Variants in SNX25 observed in about 807,000 individuals in gnomAD.
The protein encoded by SNX25 is sorting nexin 25.
SNX25 carries 62 observed loss-of-function variants against 113.7 expected under a neutral mutation model. The observed-to-expected ratio is 0.55, with a 90% confidence interval of 0.44 to 0.67. The LOEUF (loss-of-function observed/expected upper bound fraction) is 0.67. Among genes scored for constraint, SNX25 ranks in the 30% least tolerant of loss-of-function variants. The pLI, the probability that SNX25 is intolerant of heterozygous loss-of-function variation, is 0.00. For missense variants in SNX25, 1,014 were observed against 1,161.0 expected, an observed-to-expected ratio of 0.87 and a Z score of 1.84; for synonymous variants, 421 against 436.2, an observed-to-expected ratio of 0.97 and a Z score of 0.43.
intron 1 of SNX25, among the ~76,000 whole-genome samples, chr4:185,243,694 T>C (rs1185878179): frequency 6.6e-6 from 1 of 152,198 alleles, no homozygotes; most frequent in African/African-American, 2.4e-5. Context: ...AACCACCATT[T>C]TATCATTAAA....
chr4:185,217,441 A>G (rs1026929443), intron 1 of SNX25, among the ~76,000 whole-genome samples: 1 of 152,166 alleles, frequency 6.6e-6, no homozygotes, highest in African/African-American at 2.4e-5. Context: ...TTCCTTTTAA[A>G]CAATAAATTC....
intron 2 of SNX25, among the ~76,000 whole-genome samples, chr4:185,247,877 A>C (rs1745087606): frequency 6.6e-6 from 1 of 152,220 alleles, no homozygotes; most frequent in Admixed American, 6.5e-5. Context: ...GGGAATAAAT[A>C]AGTGTACTTT....
At chr4:185,217,104 G>A (rs1212052979) in intron 1 of SNX25, among the ~76,000 whole-genome samples, 13 of 152,060 alleles carry the variant, frequency 8.5e-5, no homozygotes, top group Admixed American at 5.9e-4. Flanking sequence ...GCTTTGAAAC[G>A]TTGAATGGAT....
chr4:185,241,083 G>A (rs1172560319), intron 1 of SNX25, among the ~76,000 whole-genome samples: 4 of 151,678 alleles, frequency 2.6e-5, no homozygotes, highest in African/African-American at 4.8e-5. Flanking sequence ...GGTGGCGGCC[G>A]GGCAGAGGCT....
intron 1 of SNX25, among the ~76,000 whole-genome samples, chr4:185,214,316 G>C (rs1444883761): frequency 1.3e-5 from 2 of 151,110 alleles, no homozygotes; most frequent in Non-Finnish European, 2.9e-5. Context: ...CAGTGCCTTG[G>C]GAGACCAAAA....
rs1414842289 is a variant in SNX25, at chr4:185,212,489, G to GT, written c.429+2235dup. ...TGTGTGTGTGTGTGTGTGTGTGTGTGTGTTTTTTTTTTTTTTTGCTTTGAG... is the reference window on the plus strand; with the variant it reads ...TGTGTGTGTGTGTGTGTGTGTGTGTGTTGTTTTTTTTTTTTTTTGCTTTGAG... On this transcript the variant is annotated intron_variant, in intron 1 of 18. Transcript: ENST00000652585. Among the ~76,000 whole-genome samples, 58 of 43,354 alleles carry GT rather than the reference G, an allele frequency of 1.3e-3. 1 individual carries two copies. The highest frequency in any genetic ancestry group is 5.0e-3 in the Admixed American group (18 of 3,632). The allele number at this position is 43,354 out of a possible 152,430, so 28.4% of individuals were successfully genotyped here. A position where few individuals can be genotyped will look rare whatever the true frequency, so the allele number is the denominator to read the frequency against.
intron 2 of SNX25, among the ~76,000 whole-genome samples, chr4:185,250,197 C>T (rs891354685): frequency 6.6e-6 from 1 of 152,248 alleles, no homozygotes; most frequent in Non-Finnish European, 1.5e-5. Flanking sequence ...GTGAGTCCCT[C>T]AGTCCGAGGA....
At chr4:185,371,080 T>C (rs189256725), downstream of SNX25, 1,288 of 339,826 alleles carry the variant, frequency 3.8e-3, 2 homozygotes, top group Non-Finnish European at 5.6e-3. Context: ...GTTTCTTTTT[T>C]CTTCTAATAT....
chr4:185,335,435 A>G (rs531498380), intron 10 of SNX25, among the ~76,000 whole-genome samples: 2 of 152,126 alleles, frequency 1.3e-5, no homozygotes, highest in Non-Finnish European at 2.9e-5. Context: ...CACCCCCAAA[A>G]TCTTGTAATA....
At chr4:185,219,180 C>T (rs530216409) in intron 1 of SNX25, among the ~76,000 whole-genome samples, 5 of 152,268 alleles carry the variant, frequency 3.3e-5, no homozygotes, top group South Asian at 2.1e-4. Context: ...GTCCGTCTTT[C>T]GGGGTTTATC....
At chr4:185,220,182 A>C (rs566208188) in intron 1 of SNX25, among the ~76,000 whole-genome samples, 2 of 152,250 alleles carry the variant, frequency 1.3e-5, no homozygotes, top group East Asian at 1.9e-4. Context: ...GCTTAACTTG[A>C]CATTTCCACC....
At chr4:185,284,060 A>G (rs1751015473) in intron 5 of SNX25, among the ~76,000 whole-genome samples, 1 of 152,232 alleles carries the variant, frequency 6.6e-6, no homozygotes, top group African/African-American at 2.4e-5. Flanking sequence ...GCTCATTAAT[A>G]TCTATTGAGT....
chr4:185,228,129 T>A (rs1270959870), intron 1 of SNX25, among the ~76,000 whole-genome samples: 1 of 152,140 alleles, frequency 6.6e-6, no homozygotes, highest in Non-Finnish European at 1.5e-5. Context: ...TGGAGAGGTT[T>A]ACAGTGTGTG....
At chr4:185,220,585 A>C (rs1235607870) in intron 1 of SNX25, among the ~76,000 whole-genome samples, 1 of 150,716 alleles carries the variant, frequency 6.6e-6, no homozygotes, top group Non-Finnish European at 1.5e-5. Flanking sequence ...AGGTTCAAGC[A>C]ATTCTCCTGC....
intron 2 of SNX25, among the ~76,000 whole-genome samples, chr4:185,248,513 G>A (rs1386032258): frequency 7.2e-5 from 11 of 151,980 alleles, no homozygotes; most frequent in Non-Finnish European, 1.5e-4. Flanking sequence ...TTAACTGGGA[G>A]TGGTGGCACA....
chr4:185,319,302 A>G (rs966816942), intron 7 of SNX25, among the ~76,000 whole-genome samples: 11 of 147,682 alleles, frequency 7.4e-5, no homozygotes, highest in African/African-American at 2.8e-4. Flanking sequence ...GGTTCAAGCA[A>G]TTCTCCTGCC....
Position 185,320,807 on chromosome 4 carries a change from CA to C in SNX25, c.1423del (p.Arg475GlufsTer3). 2 of 1,605,286 alleles carry C rather than the reference CA, an allele frequency of 1.2e-6. No homozygotes were observed. The highest frequency in any genetic ancestry group is 1.7e-6 in the Non-Finnish European group (2 of 1,176,064). Reference sequence around the variant, plus strand: ...TTGGAATGTACATGGAAAGGATGGACAAAAGAGCTCTGATTAGTTTTTGGGA... The same window carrying C: ...TTGGAATGTACATGGAAAGGATGGACAAAGAGCTCTGATTAGTTTTTGGGA... ...HFGMYMERMD[K>X]RALISFWESV... On this transcript the variant is annotated frameshift_variant, in exon 8 of 19. Transcript: ENST00000652585. LOFTEE classifies it high-confidence loss of function.
At chr4:185,329,327 G>A (rs1478361261) in intron 9 of SNX25, among the ~76,000 whole-genome samples, 1 of 152,146 alleles carries the variant, frequency 6.6e-6, no homozygotes, top group Non-Finnish European at 1.5e-5. Flanking sequence ...ACAGCTCAGT[G>A]GAGAGGATGT....
rs538950494 is a variant in SNX25 at position 185,325,347 on chromosome 4, C to A, written c.1749+1547C>A. On this transcript the variant is annotated intron_variant, in intron 9 of 18. Transcript: ENST00000652585. ...AGGAGTTTGAGACCAGCCTGGCCAA[C>A]ACAGTGAAACCCCGTCTCTACTAAA... 5.5e-4 allele frequency among the ~76,000 whole-genome samples: 83 copies of A among 152,158 alleles called. No individual in the cohort carries two copies. The East Asian group carries it at 0.01, about 19-fold the overall frequency.
Sources: allele counts gnomAD v4.1 joint callset (sites outside exome capture counted in the v4.1 genomes callset), GRCh38; gene constraint gnomAD v4.1.1; transcripts MANE v1.5; gene names NCBI Gene and HGNC (gene_info 2026-07-23, HGNC 2026-07-21).